CACNA2D3: variants seen among roughly 807,000 people sequenced by gnomAD.
CACNA2D3 encodes the protein voltage-dependent calcium channel subunit alpha-2/delta-3.
A neutral mutation model predicts 160.6 loss-of-function variants in CACNA2D3; 60 were observed. The ratio of observed to expected loss-of-function variants is 0.37; its 90% CI spans 0.30 to 0.46. The LOEUF (loss-of-function observed/expected upper bound fraction) is 0.46, where lower values mean the gene tolerates loss of function less well. Ranked by LOEUF, CACNA2D3 falls within the 20% of genes least tolerant of loss-of-function variation. The pLI is 1.00. For missense variants in CACNA2D3, 1,205 were observed against 1,365.0 expected (o/e 0.88, Z 1.85); for synonymous variants, 558 against 492.9 (o/e 1.13, Z -1.75).
chr3:55,009,488 G>A lies in CACNA2D3; in HGVS notation c.2875+45G>A, dbSNP rs368600150. 2.7e-3 allele frequency: 4,183 copies of A among 1,548,652 alleles called. 15 individuals are homozygous for A. Among genetic ancestry groups the A allele is most frequent in the Non-Finnish European group, 3.5e-3 (3,874 of 1,120,748 alleles). ...TGTTTCCCAGCTTGGAGGGATAAGC[G>A]CTGGGTTCACTGGCTACTTTTCATC... On this transcript the variant is annotated intron_variant, in intron 34 of 37. Transcript: ENST00000474759.
At chr3:54,511,008 C>T (rs1701450108) in intron 5 of CACNA2D3, among the ~76,000 whole-genome samples, 1 of 152,214 alleles carries the variant, frequency 6.6e-6, no homozygotes, top group African/African-American at 2.4e-5. Context: ...CTCTGGTTTA[C>T]TGTCCTCTTT....
At position 54,428,123 on chromosome 3, in the gene CACNA2D3, A is replaced by C. The variant is rs1699935413; in HGVS notation, c.381+41349A>C. 2.6e-5 allele frequency among the ~76,000 whole-genome samples: 4 copies of C among 152,232 alleles called. No individual in the cohort carries two copies. The South Asian group carries it at 8.3e-4, about 32-fold the overall frequency. On this transcript the variant is annotated intron_variant, in intron 4 of 37. Coordinates refer to ENST00000474759, the MANE Select transcript of CACNA2D3 (RefSeq NM_018398.3). ...CATTGGCCATAGTCACGTAATTACT[A>C]CCTCAGTGTTTGTTTACCATGCAGC...
At chr3:54,979,255 G>C (rs1702456413) in intron 29 of CACNA2D3, among the ~76,000 whole-genome samples, 1 of 152,106 alleles carries the variant, frequency 6.6e-6, no homozygotes, top group African/African-American at 2.4e-5. Context: ...AAGGTATGAG[G>C]CTAGTTTTTT....
At chr3:54,165,716 C>T (rs138055656) in intron 2 of CACNA2D3, among the ~76,000 whole-genome samples, 21 of 151,908 alleles carry the variant, frequency 1.4e-4, no homozygotes, top group South Asian at 4.2e-4. Flanking sequence ...GAGGATTGCT[C>T]GAGCCCAGGT....
At position 55,073,530 on chromosome 3, in the gene CACNA2D3, A is replaced by G. The variant is rs1704865207; in HGVS notation, c.3073A>G (p.Ile1025Val). Residue 1025 changes from isoleucine to valine, a missense_variant, in exon 36 of 38, where the codon ATC becomes GTC. Physicochemically the swap from Ile to Val is conservative, Grantham distance 29 (BLOSUM62 3). Transcript: ENST00000474759. ...SSCLCESVAP[I>V]TMAPIEIRYN... ...CTGCCTCTGTGAATCTGTGGCCCCC[A>G]TCACCATGGCACCCATTGAAATCAG... 7.4e-6 allele frequency: 12 copies of G among 1,613,754 alleles called. No homozygotes were observed. The Admixed American group carries it at 1.0e-4, about 13-fold the overall frequency.
intron 11 of CACNA2D3, among the ~76,000 whole-genome samples, chr3:54,673,798 C>T (rs1700197156): frequency 6.6e-6 from 1 of 152,186 alleles, no homozygotes; most frequent in Non-Finnish European, 1.5e-5. Context: ...GCTTCTTTCT[C>T]AATATTTGAC....
At chr3:54,491,433 G>T (rs11716772) in intron 4 of CACNA2D3, among the ~76,000 whole-genome samples, 151,028 of 152,348 alleles carry the variant, frequency 0.99, 74,876 homozygotes, top group Middle Eastern at 1. Flanking sequence ...AAAACATGGT[G>T]TCTCAGCCTG....
chr3:54,806,214 G>A lies in CACNA2D3; in HGVS notation c.1381-10639G>A, dbSNP rs372359106. 1.7e-3 allele frequency among the ~76,000 whole-genome samples: 261 copies of A among 152,194 alleles called. 11 individuals are homozygous for A. In the East Asian group the frequency reaches 0.042, roughly 25 times the overall value. On this transcript the variant is annotated intron_variant, in intron 13 of 37. Transcript: ENST00000474759. ...GAAGTTCTGGCCAGGGCAATCAGGC[G>A]GGAGAAGGAAATAAAGAGTATTCAA...
At position 54,125,687 on chromosome 3, in the gene CACNA2D3, C is replaced by G. The variant is rs111716047; in HGVS notation, c.204+2093C>G. 2.1e-3 allele frequency among the ~76,000 whole-genome samples: 321 copies of G among 152,258 alleles called. 2 individuals carry two copies. The highest frequency in any genetic ancestry group is 7.6e-3 in the African/African-American group (316 of 41,560). ...GGAGCATTTTTCAGCTATGTTTTGG[C>G]TGTTTTGGTCCACTATCCCCGCAAA... On this transcript the variant is annotated intron_variant, in intron 2 of 37. Transcript: ENST00000474759.
intron 13 of CACNA2D3, among the ~76,000 whole-genome samples, chr3:54,793,184 A>G (rs986841457): frequency 2.6e-5 from 4 of 152,170 alleles, no homozygotes; most frequent in Admixed American, 2.6e-4. Context: ...CAACCATCCA[A>G]AGTTCAGTCA....
intron 4 of CACNA2D3, among the ~76,000 whole-genome samples, chr3:54,475,182 T>A (rs1559492348): frequency 6.6e-6 from 1 of 152,142 alleles, no homozygotes; most frequent in Admixed American, 6.6e-5. Flanking sequence ...TGTGCTTTGG[T>A]CTCACCACCA....
At chr3:54,181,024 C>T (rs1448165162) in intron 2 of CACNA2D3, among the ~76,000 whole-genome samples, 1 of 152,124 alleles carries the variant, frequency 6.6e-6, no homozygotes, top group East Asian at 1.9e-4. Flanking sequence ...GGTTCCTGCC[C>T]CCCACCATAT....
chr3:54,771,880 G>C (rs746539225), intron 13 of CACNA2D3, among the ~76,000 whole-genome samples: 1 of 152,104 alleles, frequency 6.6e-6, no homozygotes, highest in Non-Finnish European at 1.5e-5. Flanking sequence ...CTCTGTCCAT[G>C]TGCTCTGGTC....
In CACNA2D3 at chr3:55,005,268, T is replaced by A. The variant is rs574489887; in HGVS notation, c.2766+430T>A. Among the ~76,000 whole-genome samples the A allele has an allele frequency of 2.0e-4, 31 of 151,996 alleles. 1 individual carries two copies. Among genetic ancestry groups the A allele is most frequent in the South Asian group, 6.2e-4 (3 of 4,820 alleles). Reference sequence around the variant, plus strand: ...TCCAGCCTGGGCAACAGAGCGAGCCTGCCTCTCAAAAAAATTAAATTAAAT... The same window carrying A: ...TCCAGCCTGGGCAACAGAGCGAGCCAGCCTCTCAAAAAAATTAAATTAAAT... On this transcript the variant is annotated intron_variant, in intron 32 of 37. Transcript: ENST00000474759.
intron 2 of CACNA2D3, among the ~76,000 whole-genome samples, chr3:54,306,390 A>G (rs1703602545): frequency 6.6e-6 from 1 of 152,360 alleles, no homozygotes; most frequent in Middle Eastern, 3.4e-3. Flanking sequence ...TCAGACCACC[A>G]TAGAAATGTC....
intron 3 of CACNA2D3, among the ~76,000 whole-genome samples, chr3:54,353,099 C>G (rs1193187508): frequency 6.6e-6 from 1 of 152,132 alleles, no homozygotes; most frequent in Non-Finnish European, 1.5e-5. Flanking sequence ...AGATCTTACC[C>G]ATTCTCTCTG....
chr3:54,478,680 T>A (rs569654952), intron 4 of CACNA2D3, among the ~76,000 whole-genome samples: 794 of 4,122 alleles, frequency 0.19, 28 homozygotes, highest in Middle Eastern at 0.5. Flanking sequence ...ATATATATAT[T>A]GCTTGTCATT....
rs1474323596 is a variant in CACNA2D3 at position 54,157,343 on chromosome 3, G to A, written c.204+33749G>A. Among the ~76,000 whole-genome samples the A allele has an allele frequency of 2.0e-5, 3 of 152,202 alleles. No individual in the cohort carries two copies. In the East Asian group the frequency reaches 5.8e-4, roughly 29 times the overall value. On this transcript the variant is annotated intron_variant, in intron 2 of 37. Transcript: ENST00000474759. ...GGCTTCAGCGTATGAATTTTGGAGT[G>A]TGTGTAGGGGGACACAATATATCCC...
chr3:54,228,793 C>T (rs1413968873), intron 2 of CACNA2D3, among the ~76,000 whole-genome samples: 2 of 152,214 alleles, frequency 1.3e-5, no homozygotes, highest in Non-Finnish European at 2.9e-5. Context: ...ATATTACTGC[C>T]TATATTGTCA....
Sources: gnomAD v4.1 joint callset for allele counts (sites outside exome capture counted in the v4.1 genomes callset) on GRCh38, gnomAD v4.1.1 for gene constraint, MANE v1.5 for transcripts, NCBI Gene and HGNC (gene_info 2026-07-23, HGNC 2026-07-21) for gene names.